The following HEATR1 variants were observed in gnomAD, a reference collection of about 807,000 sequenced individuals.
The protein encoded by HEATR1 is HEAT repeat containing 1.
HEATR1 carries 77 observed loss-of-function variants against 248.2 expected under a neutral mutation model. The observed-to-expected ratio is 0.31, with a 90% CI of 0.26 to 0.37. The LOEUF (loss-of-function observed/expected upper bound fraction) is 0.37, where lower values mean the gene tolerates loss of function less well. HEATR1 is among the 10% of genes least tolerant of loss of function. HEATR1 has a pLI of 1.00. For synonymous variants in HEATR1, 897 were observed against 923.1 expected, an observed-to-expected ratio of 0.97 and a Z score of 0.51; for missense variants, 2,420 against 2,504.9, an observed-to-expected ratio of 0.97 and a Z score of 0.72.
chr1:236,576,443 T>C, intron 21 of HEATR1, 66 bp from the exon 22 acceptor site: 2 of 1,182,426 alleles, frequency 1.7e-6, no homozygotes, highest in Non-Finnish European at 2.3e-6. Context: ...AATATATTAA[T>C]TACGGAAGAC....
intron 9 of HEATR1, among the ~76,000 whole-genome samples, chr1:236,592,891 C>T (rs1431615907): frequency 6.6e-6 from 1 of 152,172 alleles, no homozygotes; most frequent in East Asian, 1.9e-4. Flanking sequence ...GTCTGAACAA[C>T]ATAGTAAGAC....
chr1:236,593,953 GAA>G (rs1168101208), intron 9 of HEATR1, 57 bp downstream of exon 9: 2 of 1,164,432 alleles, frequency 1.7e-6, no homozygotes, highest in African/African-American at 3.2e-5. Context: ...AACCAATCTT[GAA>G]AATTATACTG....
chr1:236,603,398 T>C (rs1227552172), intron 2 of HEATR1, 22 bp from the exon 3 acceptor site: 1 of 1,595,064 alleles, frequency 6.3e-7, no homozygotes, highest in South Asian at 1.1e-5. Context: ...AAAAGGCCAG[T>C]TTATTTAACA....
chr1:236,577,414 GTGC>G (rs1159426230), intron 20 of HEATR1, among the ~76,000 whole-genome samples: 1 of 152,020 alleles, frequency 6.6e-6, no homozygotes, highest in Non-Finnish European at 1.5e-5. Context: ...GCCTCCCAAA[GTGC>G]TGGGATTACA....
rs572667713 is a variant in HEATR1, at chr1:236,555,219, A to G, written c.5923+77T>C. On this transcript the variant is annotated intron_variant, in intron 41 of 44. Coordinates refer to ENST00000366582, the MANE Select transcript of HEATR1 (RefSeq NM_018072.6). ...AACCTCTAAAATCTTGCTTCCAAGC[A>G]CTAGGTTGTGTCTTACTGGTACCTT... 2.2e-4 allele frequency: 321 copies of G among 1,460,598 alleles called. 1 individual carries two copies. In the South Asian group the frequency reaches 3.9e-3, roughly 18 times the overall value. The allele number at this position is 1,460,598 out of a possible 1,614,324, so 90.5% of individuals were successfully genotyped here. A position where few individuals can be genotyped will look rare whatever the true frequency, so the allele number is the denominator to read the frequency against.
At chr1:236,589,712 ACT>A (rs1428140863) in intron 12 of HEATR1, among the ~76,000 whole-genome samples, 1 of 152,188 alleles carries the variant, frequency 6.6e-6, no homozygotes, top group Non-Finnish European at 1.5e-5. Context: ...AGGAAACTAA[ACT>A]CTGTTAACCG....
chr1:236,551,934 T>A (rs923009883), intron 44 of HEATR1, 65 bp downstream of exon 44: 16 of 1,114,630 alleles, frequency 1.4e-5, no homozygotes, highest in Admixed American at 3.5e-5. Context: ...ATTGGGCACA[T>A]TTTCACAGAA....
At chr1:236,596,664 G>T (rs2758163) in intron 6 of HEATR1, among the ~76,000 whole-genome samples, 172 bp downstream of exon 6, 113,562 of 152,060 alleles carry the variant, frequency 0.75, 42,533 homozygotes, top group Admixed American at 0.77. Context: ...AAGGTCCCAG[G>T]CCAGTGAGTT....
At chr1:236,595,728 A>G (rs981196584) in intron 7 of HEATR1, 55 bp from the exon 8 acceptor site, 92 of 1,552,390 alleles carry the variant, frequency 5.9e-5, no homozygotes, top group Non-Finnish European at 8.1e-5. Flanking sequence ...GACAATGAGT[A>G]ACAATATAAG....
At chr1:236,594,868 G>A (rs764227076) in intron 8 of HEATR1, among the ~76,000 whole-genome samples, 10 of 152,090 alleles carry the variant, frequency 6.6e-5, no homozygotes, top group Non-Finnish European at 1.5e-4. Context: ...CACAAACACA[G>A]TTCCCTGTAG....
Position 236,590,846 on chromosome 1 carries a change from C to T in HEATR1, c.1530+1G>A. ...ATATAAAAAAGCGATCTGAAACAAA[C>T]CTTTGATGTTTTCATGATCTTTTTC... On this transcript the variant is annotated splice_donor_variant, in intron 12 of 44. Coordinates refer to ENST00000366582, the MANE Select transcript of HEATR1 (RefSeq NM_018072.6). LOFTEE classifies it high-confidence loss of function. 2.1e-6 allele frequency: 3 copies of T among 1,445,318 alleles called. No homozygotes were observed. Among genetic ancestry groups the T allele is most frequent in the South Asian group, 1.5e-5 (1 of 65,248 alleles). The allele number at this position is 1,445,318 out of a possible 1,614,324, so 89.5% of individuals were successfully genotyped here. A position where few individuals can be genotyped will look rare whatever the true frequency, so the allele number is the denominator to read the frequency against.
In HEATR1 at chr1:236,571,291, A is replaced by G. The variant is rs1663418070; in HGVS notation, c.3948+60T>C. 5 of 1,536,230 alleles carry G rather than the reference A, an allele frequency of 3.3e-6. No individual in the cohort carries two copies. In the East Asian group the frequency reaches 9.1e-5, roughly 28 times the overall value. ...ATTTAAAATCAACAGGTGCCAGTGC[A>G]TTTCTGTGGAAGAAAAATATCTGAA... On this transcript the variant is annotated intron_variant, in intron 28 of 44. Transcript: ENST00000366582.
chr1:236,588,778 C>G (rs894180724), intron 12 of HEATR1, among the ~76,000 whole-genome samples: 3 of 152,140 alleles, frequency 2.0e-5, no homozygotes, highest in African/African-American at 7.2e-5. Flanking sequence ...AAACATAGGT[C>G]ACTCTGTTGG....
intron 32 of HEATR1, among the ~76,000 whole-genome samples, chr1:236,564,291 C>T (rs1233475707): frequency 6.6e-6 from 1 of 152,164 alleles, no homozygotes; most frequent in South Asian, 2.1e-4. Context: ...AATGAAACCA[C>T]TGAGTCACAG....
At position 236,581,361 on chromosome 1, in the gene HEATR1, G is replaced by A. The variant is rs1267951996; in HGVS notation, c.2616C>T (p.Thr872=). Residue 872 remains threonine (T), a synonymous_variant, in exon 20 of 45, where the codon ACC becomes ACT. Coordinates refer to ENST00000366582, the MANE Select transcript of HEATR1 (RefSeq NM_018072.6). ...QLFKFCSVLW[T]YGSSLSNPLN... is the part of the protein sequence containing the mutation. ...GTGGATTTGAAAGGCTAGAACCATAGGTCCATAAAACAGAACAGAACTTGA... is the reference window on the plus strand; with the variant it reads ...GTGGATTTGAAAGGCTAGAACCATAAGTCCATAAAACAGAACAGAACTTGA... The A allele has an allele frequency of 6.3e-7, 1 of 1,597,948 alleles. No individual in the cohort carries two copies. Among genetic ancestry groups the A allele is most frequent in the Admixed American group, 1.8e-5 (1 of 55,976 alleles).
chr1:236,592,089 A>C lies in HEATR1; in HGVS notation c.1326T>G (p.Val442=). 6.3e-7 allele frequency: 1 copy of C among 1,590,762 alleles called. No homozygotes were observed. Among genetic ancestry groups the C allele is most frequent in the Non-Finnish European group, 8.6e-7 (1 of 1,161,438 alleles). ...TTTCCTTTAAGTGTTCCTCTAATAC[A>C]ACATCTAATGTTCTGGGGTATCTGG... ...LESKYPRTLD[V]VLEEHLKEIA... is the part of the protein sequence containing the mutation. Residue 442 remains valine, a synonymous_variant, in exon 11 of 45, where the codon GTT becomes GTG. Transcript: ENST00000366582.
chr1:236,563,449 T>C (rs1244848917), intron 32 of HEATR1, among the ~76,000 whole-genome samples: 1 of 151,886 alleles, frequency 6.6e-6, no homozygotes, highest in Non-Finnish European at 1.5e-5. Context: ...GCCCGGCTAA[T>C]TTTTTGTATT....
chr1:236,598,646 T>C (rs1664237111), intron 4 of HEATR1, among the ~76,000 whole-genome samples: 1 of 152,204 alleles, frequency 6.6e-6, no homozygotes, highest in Non-Finnish European at 1.5e-5. Flanking sequence ...TCAAGTGCTT[T>C]ACGTTCAGAT....
intron 13 of HEATR1, 24 bp from the exon 14 acceptor site, chr1:236,587,514 G>GTAGA (rs990316554): frequency 8.1e-7 from 1 of 1,235,954 alleles, no homozygotes; most frequent in African/African-American, 1.5e-5. Context: ...AATATCCAGA[G>GTAGA]TAGATTTGTA....
Sources: allele counts gnomAD v4.1 joint callset (sites outside exome capture counted in the v4.1 genomes callset), GRCh38; gene constraint gnomAD v4.1.1; transcripts MANE v1.5; gene names NCBI Gene and HGNC (gene_info 2026-07-23, HGNC 2026-07-21).